The following BBS9 variants were observed in gnomAD, a reference collection of about 807,000 sequenced individuals.
The protein encoded by BBS9 is protein PTHB1.
In BBS9, 89 loss-of-function variants were observed where a neutral mutation model predicts 117.7. The ratio of observed to expected loss-of-function variants is 0.76; its 90% CI spans 0.64 to 0.90. The LOEUF is 0.90. Ranked by LOEUF, BBS9 falls within the 40% of genes least tolerant of loss-of-function variation. BBS9 has a pLI of 0.00. For missense variants in BBS9, 982 were observed against 1,042.2 expected, an observed-to-expected ratio of 0.94 and a Z score of 0.80; for synonymous variants, 379 against 370.9, an observed-to-expected ratio of 1.02 and a Z score of -0.25.
chr7:33,619,518 A>G (rs1346935142), intron 21 of BBS9, among the ~76,000 whole-genome samples: 1 of 152,146 alleles, frequency 6.6e-6, no homozygotes, highest in Non-Finnish European at 1.5e-5. Context: ...CCTAACAGAC[A>G]TATGTATAAC....
chr7:33,614,018 CA>C (rs1865011813), intron 21 of BBS9, among the ~76,000 whole-genome samples: 1 of 152,004 alleles, frequency 6.6e-6, no homozygotes, highest in Non-Finnish European at 1.5e-5. Flanking sequence ...TGGGAAAATA[CA>C]ATAAATATGC....
rs559523112 is a variant in BBS9 at position 33,244,593 on chromosome 7, C to A, written c.443-12643C>A. 4.6e-5 allele frequency among the ~76,000 whole-genome samples: 7 copies of A among 152,184 alleles called. No individual in the cohort carries two copies. In the South Asian group the frequency reaches 1.0e-3, roughly 23 times the overall value. On this transcript the variant is annotated intron_variant, in intron 5 of 22. Transcript: ENST00000242067. ...CATGCTAAATTTTGGTTTAAGATTG[C>A]CATACATTCCTACCATGTTCTATGT... is the stretch of plus-strand genomic sequence containing the variant.
chr7:33,402,215 A>T (rs116288023), intron 19 of BBS9, among the ~76,000 whole-genome samples: 1 of 152,200 alleles, frequency 6.6e-6, no homozygotes, highest in African/African-American at 2.4e-5. Flanking sequence ...CCTGTTGCCT[A>T]TTAGATTACA....
intron 21 of BBS9, among the ~76,000 whole-genome samples, chr7:33,558,628 AC>A (rs1855639951): frequency 2.0e-5 from 3 of 152,116 alleles, no homozygotes; most frequent in Admixed American, 2.0e-4. Context: ...TTTTTTATGA[AC>A]CTATTATCTC....
intron 9 of BBS9, among the ~76,000 whole-genome samples, chr7:33,293,625 A>AGTAT (rs1210375506): frequency 6.6e-6 from 1 of 152,172 alleles, no homozygotes; most frequent in Non-Finnish European, 1.5e-5. Context: ...GACCAAGTGC[A>AGTAT]GTATGCTATT....
chr7:33,343,408 G>A (rs1026911570), intron 11 of BBS9, among the ~76,000 whole-genome samples: 15 of 152,160 alleles, frequency 9.9e-5, no homozygotes, highest in African/African-American at 3.4e-4. Context: ...GGTAACACGA[G>A]GTGACGCTCA....
At chr7:33,374,938 TTA>T (rs1823570947) in intron 17 of BBS9, among the ~76,000 whole-genome samples, 1 of 151,836 alleles carries the variant, frequency 6.6e-6, no homozygotes, top group Non-Finnish European at 1.5e-5. Flanking sequence ...TTGAAATAGT[TTA>T]TGTTATTTCC....
At chr7:33,492,144 A>G (rs1844012303) in intron 19 of BBS9, among the ~76,000 whole-genome samples, 1 of 141,188 alleles carries the variant, frequency 7.1e-6, no homozygotes, top group Non-Finnish European at 1.5e-5. Flanking sequence ...TGGAGGCTAC[A>G]GTGAGCCAAG....
chr7:33,443,190 A>G (rs1158452459), intron 19 of BBS9, among the ~76,000 whole-genome samples: 1 of 152,126 alleles, frequency 6.6e-6, no homozygotes, highest in Admixed American at 6.5e-5. Flanking sequence ...TAAGCCAAAT[A>G]TCTTAAAACC....
intron 21 of BBS9, among the ~76,000 whole-genome samples, chr7:33,594,826 A>C (rs561502908): frequency 6.6e-6 from 1 of 152,194 alleles, no homozygotes; most frequent in Non-Finnish European, 1.5e-5. Context: ...TTTATTAAGA[A>C]TCTCCTATAT....
At chr7:33,268,734 G>C (rs1447371414) in intron 7 of BBS9, among the ~76,000 whole-genome samples, 1 of 152,132 alleles carries the variant, frequency 6.6e-6, no homozygotes, top group African/African-American at 2.4e-5. Context: ...AGGTCACAGA[G>C]TGGCATTCAG....
At chr7:33,266,142 T>C (rs1331225962) in intron 7 of BBS9, among the ~76,000 whole-genome samples, 2 of 152,202 alleles carry the variant, frequency 1.3e-5, no homozygotes, top group African/African-American at 4.8e-5. Context: ...TTTTATTGAT[T>C]ACTCCATGTC....
intron 11 of BBS9, among the ~76,000 whole-genome samples, chr7:33,341,265 A>C (rs1010613152): frequency 2.6e-5 from 4 of 152,126 alleles, no homozygotes; most frequent in East Asian, 1.9e-4. Context: ...ATTTTTTTTC[A>C]AACTTTCTTA....
In BBS9 at chr7:33,135,965, C is replaced by A. The variant is rs143224384; in HGVS notation, c.-12+5924C>A. ...TTGAGATGGGGTCTTTCTCTGTTGC[C>A]CAGGCTGGAGTGTAGTGGTGTGATC... On this transcript the variant is annotated intron_variant, in intron 1 of 22. Transcript: ENST00000242067. 3.2e-3 allele frequency among the ~76,000 whole-genome samples: 488 copies of A among 151,404 alleles called. 1 individual carries two copies. Among genetic ancestry groups the A allele is most frequent in the African/African-American group, 0.011 (462 of 41,234 alleles).
intron 5 of BBS9, among the ~76,000 whole-genome samples, chr7:33,182,449 A>G (rs887225514): frequency 6.6e-6 from 1 of 152,210 alleles, no homozygotes; most frequent in Non-Finnish European, 1.5e-5. Flanking sequence ...TAACGGCTCC[A>G]CAGCAGTTAA....
chr7:33,475,390 TC>T (rs1841662635), intron 19 of BBS9, among the ~76,000 whole-genome samples: 1 of 152,190 alleles, frequency 6.6e-6, no homozygotes, highest in African/African-American at 2.4e-5. Context: ...CAAGATCCCA[TC>T]CTGGTTGCTG....
chr7:33,383,900 C>T (rs1825543962), intron 18 of BBS9, 62 bp downstream of exon 18: 1 of 1,522,804 alleles, frequency 6.6e-7, no homozygotes, highest in Non-Finnish European at 9.0e-7. Context: ...GAAATAGATG[C>T]TATAGAAGGA....
chr7:33,621,673 C>T (rs1481940688), intron 21 of BBS9, among the ~76,000 whole-genome samples: 1 of 152,094 alleles, frequency 6.6e-6, no homozygotes, highest in Non-Finnish European at 1.5e-5. Flanking sequence ...CCAGCAATCC[C>T]ACCATATCCA....
At chr7:33,233,211 T>A (rs1792824966) in intron 5 of BBS9, among the ~76,000 whole-genome samples, 1 of 152,134 alleles carries the variant, frequency 6.6e-6, no homozygotes. Flanking sequence ...AGTGTTAATT[T>A]ATTTTTGTTT....
Sources: allele counts gnomAD v4.1 joint callset (sites outside exome capture counted in the v4.1 genomes callset), GRCh38; gene constraint gnomAD v4.1.1; transcripts MANE v1.5; gene names NCBI Gene and HGNC (gene_info 2026-07-23, HGNC 2026-07-21).